ZNF407: variants seen among roughly 807,000 people sequenced by gnomAD.
ZNF407 encodes the protein zinc finger protein 407.
A neutral mutation model predicts 131.2 loss-of-function variants in ZNF407; 17 were observed. The observed-to-expected ratio is 0.13, with a 90% CI of 0.09 to 0.19. ZNF407 has a LOEUF of 0.19. ZNF407 is among the 10% of genes least tolerant of loss of function. The pLI is 1.00. For missense variants in ZNF407, 2,681 were observed against 2,830.6 expected (o/e 0.95, Z 1.20); for synonymous variants, 1,156 against 1,062.0 (o/e 1.09, Z -1.72).
intron 8 of ZNF407, among the ~76,000 whole-genome samples, chr18:75,015,571 T>C (rs1436227154): frequency 1.4e-5 from 2 of 143,386 alleles, no homozygotes; most frequent in Non-Finnish European, 3.0e-5. Context: ...ACATTATATA[T>C]ATATATTTAC....
chr18:74,686,049 C>A (rs545137176), intron 3 of ZNF407, among the ~76,000 whole-genome samples: 2 of 152,290 alleles, frequency 1.3e-5, no homozygotes, highest in East Asian at 3.9e-4. Context: ...ATTCTTCAAT[C>A]AAATGCGTTA....
rs1970887191 is a variant in ZNF407 at position 74,858,198 on chromosome 18, C to T, written c.4878-18999C>T. On this transcript the variant is annotated intron_variant, in intron 4 of 8. Transcript: ENST00000299687. ...CCCTCCTTCTTTCCTTTTTTCCTGCCTTCCTGCCTGCCTTCCTCATGACAG... is the reference window on the plus strand; with the variant it reads ...CCCTCCTTCTTTCCTTTTTTCCTGCTTTCCTGCCTGCCTTCCTCATGACAG... 2.0e-5 allele frequency among the ~76,000 whole-genome samples: 3 copies of T among 150,448 alleles called. 1 individual carries two copies. The South Asian group carries it at 6.4e-4, about 32-fold the overall frequency.
At chr18:74,847,865 A>C (rs1451405702) in intron 4 of ZNF407, among the ~76,000 whole-genome samples, 4 of 151,804 alleles carry the variant, frequency 2.6e-5, no homozygotes, top group Admixed American at 6.6e-5. Flanking sequence ...AAAAAAAAAA[A>C]CACGCTACCC....
chr18:74,691,908 A>C (rs888569347), intron 3 of ZNF407, among the ~76,000 whole-genome samples: 1 of 152,140 alleles, frequency 6.6e-6, no homozygotes, highest in African/African-American at 2.4e-5. Flanking sequence ...AGCCTGGCCA[A>C]CATGGCAAAA....
In ZNF407 at chr18:74,634,174, A is replaced by T. The variant is rs1984306294; in HGVS notation, c.3155A>T (p.Asp1052Val). Residue 1052 changes from aspartate to valine, a missense_variant, in exon 2 of 9, where the codon GAT becomes GTT. Transcript: ENST00000299687. ...TTTGAGTTTTATTGCATGGCATGCG[A>T]TTACTACGCGGTGACTCGTCGCGAG... ...KEFEFYCMAC[D>V]YYAVTRREMT... 6.2e-7 allele frequency: 1 copy of T among 1,614,044 alleles called. No homozygotes were observed. The highest frequency in any genetic ancestry group is 8.5e-7 in the Non-Finnish European group (1 of 1,179,902).
intron 4 of ZNF407, among the ~76,000 whole-genome samples, chr18:74,849,293 TG>T (rs985378257): frequency 2.6e-5 from 4 of 152,092 alleles, no homozygotes; most frequent in Non-Finnish European, 2.9e-5. Context: ...TTGGGCAAGC[TG>T]GTCTCGAACT....
intron 3 of ZNF407, among the ~76,000 whole-genome samples, chr18:74,754,557 C>T (rs572246834): frequency 1.3e-5 from 2 of 152,250 alleles, no homozygotes; most frequent in South Asian, 4.2e-4. Context: ...TGTCTTTGTT[C>T]TCATTGGTTT....
chr18:74,842,800 T>G (rs1183669671), intron 4 of ZNF407, among the ~76,000 whole-genome samples: 1 of 152,172 alleles, frequency 6.6e-6, no homozygotes, highest in Non-Finnish European at 1.5e-5. Context: ...CTCGGCTCAT[T>G]GCAACTTCTG....
Position 74,623,671 on chromosome 18 carries a change from T to C in ZNF407, c.-53-7296T>C, listed in dbSNP as rs372455715. 2.1e-4 allele frequency among the ~76,000 whole-genome samples: 32 copies of C among 152,368 alleles called. No homozygotes were observed. The South Asian group carries it at 5.6e-3, about 27-fold the overall frequency. On this transcript the variant is annotated intron_variant, in intron 1 of 8. Coordinates refer to ENST00000299687, the MANE Select transcript of ZNF407 (RefSeq NM_017757.3). ...TCAGAAGGCTGCGCTTGATTTATTATTGTTCTCAAAAAGTATTTTAATTTC... is the reference window on the plus strand; with the variant it reads ...TCAGAAGGCTGCGCTTGATTTATTACTGTTCTCAAAAAGTATTTTAATTTC...
intron 7 of ZNF407, among the ~76,000 whole-genome samples, chr18:74,915,408 TG>T: frequency 7.1e-6 from 1 of 141,708 alleles, no homozygotes; most frequent in Non-Finnish European, 1.5e-5. Flanking sequence ...ATCAGGAGTG[TG>T]TGTGTGTGTG....
chr18:74,857,010 G>A (rs1053570006), intron 4 of ZNF407, among the ~76,000 whole-genome samples: 5 of 152,152 alleles, frequency 3.3e-5, no homozygotes, highest in South Asian at 2.1e-4. Context: ...GAAGGCACTC[G>A]TTAATTAGAT....
intron 3 of ZNF407, among the ~76,000 whole-genome samples, chr18:74,678,146 G>A (rs1464357320): frequency 1.3e-5 from 2 of 152,066 alleles, no homozygotes; most frequent in African/African-American, 4.8e-5. Context: ...TTAATGTCAT[G>A]GACATTTTGT....
At chr18:74,733,034 G>A (rs1229611674) in intron 3 of ZNF407, among the ~76,000 whole-genome samples, 1 of 151,834 alleles carries the variant, frequency 6.6e-6, no homozygotes, top group Admixed American at 6.6e-5. Context: ...CATAGACATG[G>A]TTTTATTCAA....
At chr18:74,624,723 G>A (rs929962558) in intron 1 of ZNF407, among the ~76,000 whole-genome samples, 3 of 152,192 alleles carry the variant, frequency 2.0e-5, no homozygotes, top group Admixed American at 6.5e-5. Context: ...AGCCAGTGCC[G>A]TGGCCCTCTG....
At chr18:74,891,493 C>G (rs908499522) in intron 7 of ZNF407, among the ~76,000 whole-genome samples, 8 of 152,170 alleles carry the variant, frequency 5.3e-5, no homozygotes, top group African/African-American at 1.7e-4. Flanking sequence ...TACATTATTG[C>G]ATTAAGTTTT....
At chr18:74,710,370 G>A (rs1416304134) in intron 3 of ZNF407, among the ~76,000 whole-genome samples, 1 of 152,176 alleles carries the variant, frequency 6.6e-6, no homozygotes, top group East Asian at 1.9e-4. Context: ...TTTTAATTGA[G>A]ATTTTTCTTA....
intron 8 of ZNF407, among the ~76,000 whole-genome samples, chr18:75,000,696 T>C (rs1444157549): frequency 2.6e-5 from 4 of 152,238 alleles, no homozygotes; most frequent in African/African-American, 9.6e-5. Context: ...TTTTTCTGCA[T>C]CATTTTTATA....
chr18:74,745,477 A>C (rs537616), intron 3 of ZNF407, among the ~76,000 whole-genome samples: 148,023 of 152,282 alleles, frequency 0.97, 72,078 homozygotes, highest in Middle Eastern at 1. Flanking sequence ...CATAAAGTTT[A>C]TTTTCCTCAT....
At chr18:75,002,884 C>T (rs976917520) in intron 8 of ZNF407, among the ~76,000 whole-genome samples, 3 of 151,608 alleles carry the variant, frequency 2.0e-5, no homozygotes, top group Non-Finnish European at 4.4e-5. Context: ...GAATAACAAA[C>T]GAAAGTGTTT....
Sources: gnomAD v4.1 joint callset for allele counts (sites outside exome capture counted in the v4.1 genomes callset) on GRCh38, gnomAD v4.1.1 for gene constraint, MANE v1.5 for transcripts, NCBI Gene and HGNC (gene_info 2026-07-23, HGNC 2026-07-21) for gene names.